STK39: variants seen among roughly 807,000 people sequenced by gnomAD.
The protein encoded by STK39 is serine/threonine kinase 39.
A neutral mutation model predicts 77.8 loss-of-function variants in STK39; 20 were observed. That is an observed-to-expected ratio of 0.26 (90% CI 0.18 to 0.37). The LOEUF is 0.37. STK39 is among the 10% of genes least tolerant of loss of function. The pLI is 1.00. For missense variants in STK39, 479 were observed against 656.5 expected, an observed-to-expected ratio of 0.73 and a Z score of 2.95; for synonymous variants, 246 against 234.1, an observed-to-expected ratio of 1.05 and a Z score of -0.47.
chr2:168,015,526 A>C (rs1385852930), intron 15 of STK39, among the ~76,000 whole-genome samples: 1 of 152,200 alleles, frequency 6.6e-6, no homozygotes, highest in African/African-American at 2.4e-5. Flanking sequence ...AGGGACTGTT[A>C]ATCTAAATGC....
intron 1 of STK39, among the ~76,000 whole-genome samples, chr2:168,216,491 G>A (rs1690027374): frequency 6.6e-6 from 1 of 152,180 alleles, no homozygotes; most frequent in Admixed American, 6.5e-5. Context: ...TGCACACCAA[G>A]GCAAAAGTTG....
At chr2:167,983,300 T>C (rs1476851824) in intron 16 of STK39, among the ~76,000 whole-genome samples, 1 of 151,850 alleles carries the variant, frequency 6.6e-6, no homozygotes, top group African/African-American at 2.4e-5. Flanking sequence ...ACCAAGATGG[T>C]GAAACCCTGT....
rs545851688 is a variant in STK39 at position 168,059,400 on chromosome 2, C to A, written c.1376+4100G>T. Among the ~76,000 whole-genome samples the A allele has an allele frequency of 5.9e-5, 9 of 152,308 alleles. No homozygotes were observed. The South Asian group carries it at 1.7e-3, about 28-fold the overall frequency. ...AAAAAGGAGATTATCCTAGGTGAGG[C>A]CTGCTTAATCAGGTGAAAAACCTTG... On this transcript the variant is annotated intron_variant, in intron 14 of 17. Transcript: ENST00000355999.
intron 10 of STK39, among the ~76,000 whole-genome samples, chr2:168,127,987 G>A (rs1470165237): frequency 6.6e-6 from 1 of 152,110 alleles, no homozygotes; most frequent in Non-Finnish European, 1.5e-5. Context: ...AAGAAATACA[G>A]AGCACAGGAA....
chr2:168,138,561 G>C (rs74345372), intron 7 of STK39, among the ~76,000 whole-genome samples: 23,759 of 152,242 alleles, frequency 0.16, 1,969 homozygotes, highest in East Asian at 0.25. Flanking sequence ...GGGTGGAGGA[G>C]AAGAGAGAGG....
At chr2:168,025,190 G>C (rs1476065222) in intron 14 of STK39, among the ~76,000 whole-genome samples, 3 of 152,022 alleles carry the variant, frequency 2.0e-5, no homozygotes, top group Non-Finnish European at 2.9e-5. Context: ...TCTCTCCCTT[G>C]ATGATTAATT....
intron 2 of STK39, among the ~76,000 whole-genome samples, chr2:168,168,726 C>T (rs1490847425): frequency 6.6e-6 from 1 of 152,190 alleles, no homozygotes; most frequent in Non-Finnish European, 1.5e-5. Flanking sequence ...GGCAGTGGCT[C>T]ATACATGTAA....
At chr2:168,215,469 A>C (rs182709035) in intron 1 of STK39, among the ~76,000 whole-genome samples, 10 of 152,290 alleles carry the variant, frequency 6.6e-5, no homozygotes, top group Admixed American at 2.6e-4. Context: ...AGCAATAAAT[A>C]AGTTCATGAA....
intron 1 of STK39, among the ~76,000 whole-genome samples, chr2:168,228,136 G>GA (rs1245096561): frequency 6.6e-6 from 1 of 152,146 alleles, no homozygotes; most frequent in Admixed American, 6.5e-5. Flanking sequence ...TTAAGTATGA[G>GA]AAAAAATACA....
rs1687843496 is a variant in STK39 at position 168,136,401 on chromosome 2, GT to G, written c.974+1686del. On this transcript the variant is annotated intron_variant, in intron 8 of 17. Transcript: ENST00000355999. Reference sequence around the variant, plus strand: ...AAAAAAAAGAAAAGAAATAAAAAGGGTTTGTTAAATATAATGTATGTCAATC... The same window carrying G: ...AAAAAAAAGAAAAGAAATAAAAAGGGTTGTTAAATATAATGTATGTCAATC... Among the ~76,000 whole-genome samples the G allele has an allele frequency of 2.6e-5, 4 of 151,190 alleles. No homozygotes were observed. In the South Asian group the frequency reaches 8.3e-4, roughly 31 times the overall value.
At chr2:168,104,872 T>C (rs1204482517) in intron 10 of STK39, among the ~76,000 whole-genome samples, 2 of 152,174 alleles carry the variant, frequency 1.3e-5, no homozygotes, top group Non-Finnish European at 2.9e-5. Flanking sequence ...TGTTTGTAAT[T>C]GCAAACATTT....
chr2:168,072,101 T>C (rs1685956774), intron 12 of STK39, among the ~76,000 whole-genome samples: 1 of 152,220 alleles, frequency 6.6e-6, no homozygotes, highest in South Asian at 2.1e-4. Flanking sequence ...GGCAGATCTA[T>C]AGTTCCTAAG....
At chr2:168,141,085 C>T (rs1420560796) in intron 5 of STK39, among the ~76,000 whole-genome samples, 2 of 151,964 alleles carry the variant, frequency 1.3e-5, no homozygotes, top group Non-Finnish European at 2.9e-5. Context: ...TGTCCATATG[C>T]AAAAAAGCTT....
chr2:167,991,324 C>CCAA (rs1683695654), intron 16 of STK39, among the ~76,000 whole-genome samples: 1 of 151,994 alleles, frequency 6.6e-6, no homozygotes, highest in Non-Finnish European at 1.5e-5. Flanking sequence ...CACTGGAATA[C>CCAA]CCAGCCCTGG....
intron 14 of STK39, among the ~76,000 whole-genome samples, chr2:168,042,627 C>A (rs1172040031): frequency 1.4e-5 from 2 of 145,664 alleles, no homozygotes; most frequent in Non-Finnish European, 3.0e-5. Context: ...GTCACCCAGG[C>A]TAGATTGCAG....
chr2:168,194,851 T>C (rs930279276), intron 1 of STK39, among the ~76,000 whole-genome samples: 2 of 152,186 alleles, frequency 1.3e-5, no homozygotes, highest in African/African-American at 2.4e-5. Flanking sequence ...TATGATATTA[T>C]AAGAAAGAAA....
chr2:168,004,187 T>C (rs1684066338), intron 16 of STK39, among the ~76,000 whole-genome samples: 1 of 152,224 alleles, frequency 6.6e-6, no homozygotes, highest in African/African-American at 2.4e-5. Context: ...GCAGCAATGT[T>C]AGTTTTAATC....
chr2:168,049,614 CATT>C (rs1167592244), intron 14 of STK39, among the ~76,000 whole-genome samples: 1 of 152,182 alleles, frequency 6.6e-6, no homozygotes, highest in Admixed American at 6.5e-5. Flanking sequence ...ATGAGAATAA[CATT>C]AGTATCTATT....
chr2:167,992,365 C>T (rs1294494219), intron 16 of STK39, among the ~76,000 whole-genome samples: 1 of 151,934 alleles, frequency 6.6e-6, no homozygotes, highest in Non-Finnish European at 1.5e-5. Flanking sequence ...CAGGCAAGAT[C>T]AGAGCTGTAG....
Sources: gnomAD v4.1 joint callset for allele counts (sites outside exome capture counted in the v4.1 genomes callset) on GRCh38, gnomAD v4.1.1 for gene constraint, MANE v1.5 for transcripts, NCBI Gene and HGNC (gene_info 2026-07-23, HGNC 2026-07-21) for gene names.